Variants in LARS1 observed in about 807,000 individuals in gnomAD.
The protein encoded by LARS1 is leucyl-tRNA synthetase 1, also known as leucine--tRNA ligase, cytoplasmic.
In LARS1, 100 loss-of-function variants were observed where a neutral mutation model predicts 162.8. The observed-to-expected ratio is 0.61, with a 90% CI of 0.52 to 0.73. LARS1 has a LOEUF of 0.73. Among genes scored for constraint, LARS1 ranks in the 30% least tolerant of loss-of-function variants. The pLI, the probability that LARS1 is intolerant of heterozygous loss-of-function variation, is 0.00. For missense variants in LARS1, 1,258 were observed against 1,408.9 expected, an observed-to-expected ratio of 0.89 and a Z score of 1.71; for synonymous variants, 457 against 462.8, an observed-to-expected ratio of 0.99 and a Z score of 0.16.
chr5:146,170,895 AAAG>A (rs1417910578), intron 4 of LARS1, among the ~76,000 whole-genome samples: 2 of 151,782 alleles, frequency 1.3e-5, no homozygotes, highest in Admixed American at 6.6e-5. Context: ...GAAAAAAAAA[AAAG>A]AAGAAAAAGA....
chr5:146,133,205 T>C (rs1044362038), intron 22 of LARS1, 124 bp from the exon 23 acceptor site: 47 of 700,834 alleles, frequency 6.7e-5, no homozygotes, highest in Middle Eastern at 5.7e-4. Context: ...TTTAAAGGAC[T>C]GTCCTGGATC....
intron 21 of LARS1, among the ~76,000 whole-genome samples, chr5:146,137,189 C>T (rs1490407457): frequency 1.3e-5 from 2 of 152,306 alleles, no homozygotes; most frequent in East Asian, 1.9e-4. Flanking sequence ...TGAGTCACCG[C>T]GCCCAGTCCC....
intron 4 of LARS1, 110 bp from the exon 5 acceptor site, chr5:146,168,375 A>G: frequency 2.6e-6 from 3 of 1,133,536 alleles, no homozygotes; most frequent in Middle Eastern, 2.1e-4. Context: ...TTTGCAATAT[A>G]TTGATACCTA....
In LARS1 at chr5:146,120,366, C is replaced by T; in HGVS notation, c.3325+5G>A. ...GACAAATGGGAGTTTTGGGGAACAA[C>T]TTACCTTTAATTCCTCGATTCATTT... On this transcript the variant is annotated splice_donor_5th_base_variant and intron_variant, in intron 31 of 31. Transcript: ENST00000394434. The T allele has an allele frequency of 6.2e-7, 1 of 1,612,910 alleles. No homozygotes were observed. The highest frequency in any genetic ancestry group is 8.5e-7 in the Non-Finnish European group (1 of 1,179,116).
intron 4 of LARS1, among the ~76,000 whole-genome samples, chr5:146,171,096 C>CACAA (rs1227677721): frequency 2.6e-5 from 4 of 151,920 alleles, no homozygotes; most frequent in African/African-American, 7.3e-5. Flanking sequence ...GTGGCTCACG[C>CACAA]TTGTAATCCC....
Position 146,115,341 on chromosome 5 carries a change from G to A in LARS1, c.3326-1030C>T, listed in dbSNP as rs560933666. ...CTTGCAAGAATTGTAGCTTTTCTCA[G>A]AGATACTTTTGGATAAATAATGACT... On this transcript the variant is annotated intron_variant, in intron 31 of 31. Coordinates refer to ENST00000394434, the MANE Select transcript of LARS1 (RefSeq NM_020117.11). Among the ~76,000 whole-genome samples, 8 of 152,080 alleles carry A rather than the reference G, an allele frequency of 5.3e-5. No individual in the cohort carries two copies. In the South Asian group the frequency reaches 1.7e-3, roughly 32 times the overall value.
chr5:146,142,391 T>C (rs747949563), intron 20 of LARS1, among the ~76,000 whole-genome samples: 2 of 152,144 alleles, frequency 1.3e-5, no homozygotes, highest in Non-Finnish European at 2.9e-5. Context: ...TTTTATGAAA[T>C]AAAATTTGAA....
intron 3 of LARS1, 25 bp from the exon 4 acceptor site, chr5:146,172,015 A>T: frequency 2.5e-6 from 4 of 1,577,114 alleles, no homozygotes; most frequent in Non-Finnish European, 3.5e-6. Flanking sequence ...TTAAATTTAA[A>T]TTGCAAATTT....
At chr5:146,148,427 G>T (rs183076953) in intron 15 of LARS1, among the ~76,000 whole-genome samples, 1 of 152,280 alleles carries the variant, frequency 6.6e-6, no homozygotes, top group East Asian at 1.9e-4. Context: ...TTGAGAAATG[G>T]AGTACTGACG....
At chr5:146,175,398 C>T (rs1754511080) in intron 2 of LARS1, among the ~76,000 whole-genome samples, 1 of 151,390 alleles carries the variant, frequency 6.6e-6, no homozygotes, top group African/African-American at 2.4e-5. Context: ...TAAAACTTAG[C>T]CAGGCGTGGT....
At chr5:146,118,269 A>G (rs546431930) in intron 31 of LARS1, among the ~76,000 whole-genome samples, 2 of 152,352 alleles carry the variant, frequency 1.3e-5, no homozygotes, top group Admixed American at 6.5e-5. Context: ...GCACAGAATA[A>G]CAAATATCGC....
chr5:146,126,515 C>T lies in LARS1; in HGVS notation c.2911G>A (p.Val971Ile), dbSNP rs568849788. The T allele has an allele frequency of 4.3e-6, 7 of 1,612,134 alleles. No homozygotes were observed. In the African/African-American group the frequency reaches 9.3e-5, roughly 22 times the overall value. ...ATACTGCCTAGTTCACTAGCAATGACTTTGTTGTCAGGCAGTTTTCCGTTA... is the reference window on the plus strand; with the variant it reads ...ATACTGCCTAGTTCACTAGCAATGATTTTGTTGTCAGGCAGTTTTCCGTTA... ...ANNGKLPDNKVIASELGSMPE... is the reference protein window; with the variant it reads ...ANNGKLPDNKIIASELGSMPE... The change falls in exon 28 of 32, where the codon GTC (valine) becomes ATC (isoleucine). Residue 971 changes from valine (V) to isoleucine (I), a missense_variant. Transcript: ENST00000394434.
At chr5:146,182,380 G>T in intron 1 of LARS1, 108 bp downstream of exon 1, 2 of 1,436,078 alleles carry the variant, frequency 1.4e-6, no homozygotes, top group Non-Finnish European at 2.0e-6. Flanking sequence ...CTTAAGCGTG[G>T]CTCTCTTTTA....
chr5:146,113,949 ATGACT>A lies in LARS1; in HGVS notation c.*152_*156del, dbSNP rs1764086518. 4.8e-6 allele frequency: 3 copies of A among 626,982 alleles called. No individual in the cohort carries two copies. In the African/African-American group the frequency reaches 5.5e-5, roughly 11 times the overall value. 38.8% of individuals were successfully genotyped at this position (626,982 alleles called of 1,614,324 possible). ...AATTTATTAGGTCCAGGAATCAAAG[ATGACT>A]TGATAGAATTATGAATACATGCAGA... On this transcript the variant is annotated 3_prime_UTR_variant, in exon 32 of 32. Transcript: ENST00000394434.
chr5:146,134,616 GA>G (rs1186289483), intron 22 of LARS1, among the ~76,000 whole-genome samples: 1 of 152,118 alleles, frequency 6.6e-6, no homozygotes, highest in Non-Finnish European at 1.5e-5. Context: ...ACAATTTTCT[GA>G]AAAAATCAAT....
chr5:146,159,563 C>A, intron 7 of LARS1, 93 bp from the exon 8 acceptor site: 1 of 863,452 alleles, frequency 1.2e-6, no homozygotes, highest in Non-Finnish European at 1.9e-6. Context: ...TCTTACATGT[C>A]TTGCAACTAG....
chr5:146,122,616 T>C lies in LARS1; in HGVS notation c.3097-29A>G, dbSNP rs958094122. The C allele has an allele frequency of 2.4e-6, 3 of 1,254,252 alleles. No homozygotes were observed. The African/African-American group carries it at 4.4e-5, about 19-fold the overall frequency. 77.7% of individuals were successfully genotyped at this position (1,254,252 alleles called of 1,614,324 possible). On this transcript the variant is annotated intron_variant, in intron 29 of 31. Coordinates refer to ENST00000394434, the MANE Select transcript of LARS1 (RefSeq NM_020117.11). The stretch of plus-strand genomic sequence containing the variant: ...AACAGACGGGAAAAAATGGAAGTTA[T>C]TAGTATCACTTAATGTGATTCAAAT...
intron 31 of LARS1, among the ~76,000 whole-genome samples, chr5:146,120,159 A>C (rs1751753079): frequency 6.6e-6 from 1 of 152,298 alleles, no homozygotes; most frequent in Middle Eastern, 3.4e-3. Flanking sequence ...ATGAAAAATC[A>C]GTTTTGAGCT....
chr5:146,116,335 G>A (rs939879270), intron 31 of LARS1, among the ~76,000 whole-genome samples: 3 of 151,680 alleles, frequency 2.0e-5, no homozygotes, highest in Admixed American at 2.0e-4. Context: ...CTTTTACTGC[G>A]GATCTGCCTC....
Sources: allele counts gnomAD v4.1 joint callset (sites outside exome capture counted in the v4.1 genomes callset), GRCh38; gene constraint gnomAD v4.1.1; transcripts MANE v1.5; gene names NCBI Gene and HGNC (gene_info 2026-07-23, HGNC 2026-07-21).